Variants in IQGAP3 observed in about 807,000 individuals in gnomAD.
IQGAP3 encodes the protein IQ motif containing GTPase activating protein 3, also known as ras GTPase-activating-like protein IQGAP3.
A neutral mutation model predicts 208.2 loss-of-function variants in IQGAP3; 165 were observed. The observed-to-expected ratio is 0.79, with a 90% confidence interval of 0.70 to 0.90. The LOEUF is 0.90. Among genes scored for constraint, IQGAP3 ranks in the 40% least tolerant of loss-of-function variants. The probability of loss-of-function intolerance (pLI) is 0.00; values close to 1 mark genes in which losing one functional copy is unlikely to be tolerated. For synonymous variants in IQGAP3, 703 were observed against 803.6 expected, an observed-to-expected ratio of 0.87 and a Z score of 2.12; for missense variants, 1,811 against 2,043.1, an observed-to-expected ratio of 0.89 and a Z score of 2.19.
chr1:156,568,329 C>T (rs1676496058), intron 2 of IQGAP3, among the ~76,000 whole-genome samples: 1 of 152,148 alleles, frequency 6.6e-6, no homozygotes, highest in Non-Finnish European at 1.5e-5. Context: ...ATTCTCCTGC[C>T]TCAGCCTCCT....
intron 37 of IQGAP3, among the ~76,000 whole-genome samples, chr1:156,527,670 C>T (rs1280851845): frequency 6.6e-6 from 1 of 152,168 alleles, no homozygotes; most frequent in Non-Finnish European, 1.5e-5. Flanking sequence ...TGTAAAGTCC[C>T]TGACATGTGA....
At chr1:156,561,245 G>A (rs1400954813) in intron 10 of IQGAP3, among the ~76,000 whole-genome samples, 1 of 151,546 alleles carries the variant, frequency 6.6e-6, no homozygotes, top group Non-Finnish European at 1.5e-5. Flanking sequence ...CTCGGCTCAC[G>A]GCAACCTCTG....
At chr1:156,543,455 A>G (rs1206061616) in intron 22 of IQGAP3, among the ~76,000 whole-genome samples, 1 of 152,222 alleles carries the variant, frequency 6.6e-6, no homozygotes, top group Non-Finnish European at 1.5e-5. Context: ...AATTTCACAA[A>G]AAGGAAGGGG....
chr1:156,534,435 G>C (rs1160198927), intron 29 of IQGAP3, 66 bp downstream of exon 29: 2 of 1,209,806 alleles, frequency 1.7e-6, no homozygotes, highest in East Asian at 2.4e-5. Context: ...ATTCTGGAGG[G>C]GACAAGTGGG....
At position 156,533,095 on chromosome 1, in the gene IQGAP3, C is replaced by G; in HGVS notation, c.3988G>C (p.Ala1330Pro). 6.2e-7 allele frequency: 1 copy of G among 1,613,892 alleles called. No homozygotes were observed. The highest frequency in any genetic ancestry group is 8.5e-7 in the Non-Finnish European group (1 of 1,179,882). ...TIPDLIGESI[A>P]ADGHTDLSKL... Reference sequence around the variant, plus strand: ...CTCAGGTCCGTGTGCCCATCTGCAGCGATGCTCTCACCTGAGGTGTGGTGA... The same window carrying G: ...CTCAGGTCCGTGTGCCCATCTGCAGGGATGCTCTCACCTGAGGTGTGGTGA... The change falls in exon 32 of 38, where the codon GCT becomes CCT. Residue 1330 changes from alanine (A) to proline (P), a missense_variant. Transcript: ENST00000361170.
At chr1:156,537,892 ATTTT>A (rs201573278) in intron 26 of IQGAP3, among the ~76,000 whole-genome samples, 2 of 140,270 alleles carry the variant, frequency 1.4e-5, no homozygotes, top group African/African-American at 5.2e-5. Context: ...CTCCCAGCAA[ATTTT>A]TTTTTTTTTT....
At chr1:156,566,696 C>G in intron 2 of IQGAP3, 150 bp from the exon 3 acceptor site, 1 of 745,502 alleles carries the variant, frequency 1.3e-6, no homozygotes, top group South Asian at 1.8e-5. Context: ...CCTTCTCTGC[C>G]CATTGCCTGG....
chr1:156,551,780 G>A lies in IQGAP3; in HGVS notation c.1659C>T (p.Gly553=). The change falls in exon 15 of 38, where the codon GGC becomes GGT. Residue 553 remains glycine, a synonymous_variant. Transcript: ENST00000361170. ...TLSALLLPAA[G]LDDVSLPVAP... ...CGACAGGGAGGCTGACATCATCTAGGCCAGCTGCAGGAAGCAGTAGGGCAG... is the reference window on the plus strand; with the variant it reads ...CGACAGGGAGGCTGACATCATCTAGACCAGCTGCAGGAAGCAGTAGGGCAG... 1 of 1,614,050 alleles carries A rather than the reference G, an allele frequency of 6.2e-7. No homozygotes were observed. The highest frequency in any genetic ancestry group is 8.5e-7 in the Non-Finnish European group (1 of 1,180,008).
chr1:156,536,071 C>T (rs1200192107), intron 27 of IQGAP3, among the ~76,000 whole-genome samples: 1 of 152,154 alleles, frequency 6.6e-6, no homozygotes, highest in Non-Finnish European at 1.5e-5. Flanking sequence ...CAGAAGTTTA[C>T]AGCTCATTGT....
chr1:156,547,961 C>T (rs1675342342), intron 19 of IQGAP3, 112 bp downstream of exon 19: 1 of 961,948 alleles, frequency 1.0e-6, no homozygotes, highest in African/African-American at 1.7e-5. Context: ...TTAACCACTA[C>T]TATTCAGAGG....
At position 156,528,415 on chromosome 1, in the gene IQGAP3, GCTT is replaced by G. The variant is rs770985980; in HGVS notation, c.4673+91_4673+93del. On this transcript the variant is annotated intron_variant, in intron 36 of 37. Transcript: ENST00000361170. ...GCAGCTCCTTCAAGATCGGGACCAT[GCTT>G]CTTCTCTTCCACCCGGTGCCCAGCC... 1.7e-4 allele frequency: 146 copies of G among 857,890 alleles called. 1 individual carries two copies. Among genetic ancestry groups the G allele is most frequent in the South Asian group, 8.9e-4 (59 of 66,268 alleles). The allele number at this position is 857,890 out of a possible 1,614,324, so 53.1% of individuals were successfully genotyped here. A position where few individuals can be genotyped will look rare whatever the true frequency, so the allele number is the denominator to read the frequency against.
chr1:156,548,494 A>C lies in IQGAP3; in HGVS notation c.1994-7T>G, dbSNP rs1375823182. 1 of 1,612,720 alleles carries C rather than the reference A, an allele frequency of 6.2e-7. No individual in the cohort carries two copies. Among genetic ancestry groups the C allele is most frequent in the Admixed American group, 1.7e-5 (1 of 59,948 alleles). ...ACCCAGAAAGCTGTGTCTGCTAAGC[A>C]GAAACCAAGCAAGCAGAAAAGGTTC... On this transcript the variant is annotated splice_region_variant and splice_polypyrimidine_tract_variant and intron_variant, in intron 17 of 37. Transcript: ENST00000361170.
At chr1:156,556,163 C>A (rs2489140) in intron 12 of IQGAP3, among the ~76,000 whole-genome samples, 1 of 152,198 alleles carries the variant, frequency 6.6e-6, no homozygotes, top group African/African-American at 2.4e-5. Context: ...CAGAGAAGAA[C>A]TATGGATTGG....
At chr1:156,556,473 G>A in intron 12 of IQGAP3, 60 bp downstream of exon 12, 2 of 1,581,980 alleles carry the variant, frequency 1.3e-6, no homozygotes, top group Non-Finnish European at 1.7e-6. Flanking sequence ...TGGGCTGCCT[G>A]TCCTGATCCC....
At chr1:156,533,279 C>T (rs1004852789) in intron 31 of IQGAP3, among the ~76,000 whole-genome samples, 173 bp from the exon 32 acceptor site, 5 of 152,138 alleles carry the variant, frequency 3.3e-5, no homozygotes, top group Non-Finnish European at 7.4e-5. Flanking sequence ...GTCCCCAACC[C>T]TTAGCACCGA....
Position 156,554,319 on chromosome 1 carries a change from T to G in IQGAP3, c.1364A>C (p.Glu455Ala). The G allele has an allele frequency of 6.2e-7, 1 of 1,614,114 alleles. No homozygotes were observed. The highest frequency in any genetic ancestry group is 8.5e-7 in the Non-Finnish European group (1 of 1,179,986). Residue 455 changes from glutamate (E) to alanine (A), a missense_variant, in exon 13 of 38, where the codon GAG becomes GCG. Transcript: ENST00000361170. ...CCAGAAGCCACTGGCATCCCGGGCC[T>G]CCAGGGCCCGGTTAATCAGGACCAC... ...SAVVLINRAL[E>A]ARDASGFWSS...
At chr1:156,571,775 A>G (rs946646990) in intron 1 of IQGAP3, among the ~76,000 whole-genome samples, 1 of 152,226 alleles carries the variant, frequency 6.6e-6, no homozygotes, top group Non-Finnish European at 1.5e-5. Flanking sequence ...TTTGAATCCT[A>G]ATAGAAAGGA....
chr1:156,553,182 T>TA (rs57161838), intron 13 of IQGAP3, among the ~76,000 whole-genome samples: 1,556 of 147,562 alleles, frequency 0.011, 21 homozygotes, highest in African/African-American at 0.036. Flanking sequence ...TCTCTAAAAA[T>TA]AAAAAAAAAA....
rs1421135977 is a variant in IQGAP3, at chr1:156,552,036, C to T, written c.1508G>A (p.Ser503Asn). Residue 503 changes from serine to asparagine, a missense_variant, in exon 14 of 38, where the codon AGC (serine) becomes AAC (asparagine). Physicochemically the swap from Ser to Asn is conservative, Grantham distance 46. Coordinates refer to ENST00000361170, the MANE Select transcript of IQGAP3 (RefSeq NM_178229.5). ...CACGGTGGCCTGCAGGTCATTCCAG[C>T]TCAGGAAGTCCTCACCCATCCCACG... is the stretch of plus-strand genomic sequence containing the variant. ...QERGMGEDFL[S>N]WNDLQATVSQ... is the part of the protein sequence containing the mutation. 1 of 1,614,030 alleles carries T rather than the reference C, an allele frequency of 6.2e-7. No individual in the cohort carries two copies. The highest frequency in any genetic ancestry group is 1.7e-5 in the Admixed American group (1 of 59,994).
Sources: gnomAD v4.1 joint callset for allele counts (sites outside exome capture counted in the v4.1 genomes callset) on GRCh38, gnomAD v4.1.1 for gene constraint, MANE v1.5 for transcripts, NCBI Gene and HGNC (gene_info 2026-07-23, HGNC 2026-07-21) for gene names.